PLCB4: variants seen among roughly 807,000 people sequenced by gnomAD.
PLCB4 encodes the protein phospholipase C beta 4.
PLCB4 carries 77 observed loss-of-function variants against 178.8 expected under a neutral mutation model. The observed-to-expected ratio is 0.43, with a 90% CI of 0.36 to 0.52. The LOEUF (loss-of-function observed/expected upper bound fraction) is 0.52. PLCB4 is among the 20% of genes least tolerant of loss of function. The pLI is 0.00. For missense variants in PLCB4, 1,024 were observed against 1,453.4 expected, an observed-to-expected ratio of 0.70 and a Z score of 4.80; for synonymous variants, 496 against 490.8, an observed-to-expected ratio of 1.01 and a Z score of -0.14.
chr20:9,372,324 G>A lies in PLCB4; in HGVS notation c.607G>A (p.Ala203Thr), dbSNP rs151335126. 3.0e-4 allele frequency: 480 copies of A among 1,587,192 alleles called. No homozygotes were observed. Among genetic ancestry groups the A allele is most frequent in the Non-Finnish European group, 4.0e-4 (463 of 1,156,780 alleles). ...ACAGAATGATGAAATTGAGCCCACA[G>A]CATTTTCTTATGAAAAGTTCTATGA... The part of the protein sequence containing the change: ...SGKNDEIEPT[A>T]FSYEKFYELT... Residue 203 changes from alanine (A) to threonine (T), a missense_variant, in exon 11 of 40, where the codon GCA (alanine) becomes ACA (threonine). By Grantham distance (58) the Ala-to-Thr change is moderately conservative. Coordinates refer to ENST00000378473, the MANE Select transcript of PLCB4 (RefSeq NM_001377142.1).
chr20:9,201,807 A>T (rs2093550589), intron 2 of PLCB4, among the ~76,000 whole-genome samples: 1 of 152,208 alleles, frequency 6.6e-6, no homozygotes, highest in Non-Finnish European at 1.5e-5. Context: ...TGGTGCCACC[A>T]CTTTGAAAGA....
chr20:9,287,023 TTTTG>T (rs371348349), intron 3 of PLCB4, among the ~76,000 whole-genome samples: 106 of 152,162 alleles, frequency 7.0e-4, no homozygotes, highest in Non-Finnish European at 8.4e-4. Context: ...GGTAGTGTTT[TTTTG>T]TTTGTTTGTT....
chr20:9,385,436 C>T (rs1054205451), intron 14 of PLCB4, among the ~76,000 whole-genome samples: 43 of 146,502 alleles, frequency 2.9e-4, no homozygotes, highest in South Asian at 6.8e-4. Flanking sequence ...ACGGGGCGGC[C>T]GGGCAGAGGC....
At chr20:9,254,646 T>C (rs2094215370) in intron 3 of PLCB4, among the ~76,000 whole-genome samples, 1 of 152,142 alleles carries the variant, frequency 6.6e-6, no homozygotes, top group African/African-American at 2.4e-5. Context: ...TGCAGTGAGC[T>C]GAGATCGTGC....
At chr20:9,382,283 A>C (rs1602249130) in intron 13 of PLCB4, among the ~76,000 whole-genome samples, 1 of 152,102 alleles carries the variant, frequency 6.6e-6, no homozygotes, top group East Asian at 1.9e-4. Flanking sequence ...AACCTTCATC[A>C]TCCCTCTCCA....
rs571577536 is a variant in PLCB4 at position 9,278,739 on chromosome 20, C to T, written c.-15-29061C>T. ...ATGAGCGCTGGACTTCCAGGGTCCT[C>T]GAAAGTAGCAATCACTGTGAGTACA... On this transcript the variant is annotated intron_variant, in intron 3 of 39. Coordinates refer to ENST00000378473, the MANE Select transcript of PLCB4 (RefSeq NM_001377142.1). Among the ~76,000 whole-genome samples the T allele has an allele frequency of 3.0e-3, 462 of 152,072 alleles. 2 individuals are homozygous for T. Among genetic ancestry groups the T allele is most frequent in the African/African-American group, 0.011 (446 of 41,524 alleles).
chr20:9,414,880 A>G (rs2040134279), intron 25 of PLCB4, among the ~76,000 whole-genome samples: 1 of 152,228 alleles, frequency 6.6e-6, no homozygotes. Flanking sequence ...ATGGTATGAC[A>G]TTTTATGATT....
intron 1 of PLCB4, among the ~76,000 whole-genome samples, chr20:9,087,510 G>A (rs1002405521): frequency 1.3e-5 from 2 of 152,070 alleles, no homozygotes; most frequent in African/African-American, 4.8e-5. Context: ...GAAAAACATA[G>A]TACAATGTAA....
chr20:9,385,120 T>TG (rs1027131850), intron 14 of PLCB4, among the ~76,000 whole-genome samples: 1 of 152,180 alleles, frequency 6.6e-6, no homozygotes, highest in African/African-American at 2.4e-5. Context: ...AGCACGGGGT[T>TG]GGGGGTAAGA....
intron 2 of PLCB4, among the ~76,000 whole-genome samples, chr20:9,185,519 C>T (rs1310867970): frequency 6.6e-6 from 1 of 152,110 alleles, no homozygotes; most frequent in African/African-American, 2.4e-5. Flanking sequence ...TGACTGGTCT[C>T]TTCTCATCCT....
intron 28 of PLCB4, among the ~76,000 whole-genome samples, chr20:9,426,110 AGAAAAAAAAATGTTTTTTTTCCCCTAG>A (rs1382698124): frequency 2.0e-5 from 3 of 149,394 alleles, no homozygotes; most frequent in African/African-American, 2.6e-5. Flanking sequence ...AGCATTTTCT[AGAAAAAAAAATGTTTTTTTTCCCCTAG>A]GAAAAAAAAG....
At chr20:9,357,069 T>C (rs2034895922) in intron 7 of PLCB4, among the ~76,000 whole-genome samples, 1 of 152,102 alleles carries the variant, frequency 6.6e-6, no homozygotes, top group African/African-American at 2.4e-5. Flanking sequence ...TGAGCCTTGA[T>C]TGTGGCCACT....
intron 1 of PLCB4, among the ~76,000 whole-genome samples, chr20:9,069,550 T>C (rs1032685110): frequency 5.9e-5 from 9 of 152,226 alleles, no homozygotes; most frequent in African/African-American, 2.2e-4. Context: ...TGTGTATGCG[T>C]GTGGATCTTC....
At chr20:9,462,260 G>T (rs143694104) in intron 35 of PLCB4, among the ~76,000 whole-genome samples, 3 of 152,106 alleles carry the variant, frequency 2.0e-5, no homozygotes, top group African/African-American at 4.8e-5. Context: ...CCATCTGTAG[G>T]TCACCAACAT....
At chr20:9,472,754 G>C (rs1489829063) in intron 36 of PLCB4, 36 bp from the exon 37 acceptor site, 1 of 1,327,680 alleles carries the variant, frequency 7.5e-7, no homozygotes. Context: ...TTCATTCAAT[G>C]TCATACCAAC....
At chr20:9,394,694 C>T (rs1362327437) in intron 18 of PLCB4, among the ~76,000 whole-genome samples, 5 of 152,104 alleles carry the variant, frequency 3.3e-5, no homozygotes, top group Admixed American at 2.6e-4. Flanking sequence ...GTTTGTGCAA[C>T]CCTCTCCTTG....
chr20:9,399,380 C>A (rs181100208), intron 19 of PLCB4, among the ~76,000 whole-genome samples: 6 of 152,172 alleles, frequency 3.9e-5, no homozygotes, highest in African/African-American at 1.4e-4. Flanking sequence ...GTCAACTAGT[C>A]GGCTATAATT....
chr20:9,471,804 T>G (rs548014326), intron 36 of PLCB4, among the ~76,000 whole-genome samples: 1 of 149,636 alleles, frequency 6.7e-6, no homozygotes, highest in African/African-American at 2.6e-5. Flanking sequence ...GGAAATGCAG[T>G]TGGGGACAAC....
chr20:9,402,643 G>A (rs950868033), intron 20 of PLCB4, among the ~76,000 whole-genome samples: 8 of 152,206 alleles, frequency 5.3e-5, no homozygotes, highest in African/African-American at 1.7e-4. Flanking sequence ...TAGGCCAGAC[G>A]AGAGTCCCCG....
Sources: allele counts gnomAD v4.1 joint callset (sites outside exome capture counted in the v4.1 genomes callset), GRCh38; gene constraint gnomAD v4.1.1; transcripts MANE v1.5; gene names NCBI Gene and HGNC (gene_info 2026-07-23, HGNC 2026-07-21).